The following SGCZ variants were observed in gnomAD, a reference collection of about 807,000 sequenced individuals.
SGCZ encodes sarcoglycan zeta.
Under a neutral mutation model 41.3 loss-of-function variants are expected in SGCZ, and 40 were observed. The ratio of observed to expected loss-of-function variants is 0.97; its 90% CI spans 0.75 to 1.26. SGCZ has a LOEUF of 1.26. SGCZ is among the 50% of genes most tolerant of loss of function. The pLI is 0.00. For missense variants in SGCZ, 552 were observed against 369.8 expected (o/e 1.49, Z -4.04); for synonymous variants, 206 against 137.5 (o/e 1.50, Z -3.49).
chr8:14,258,213 T>C (rs1290517069), intron 3 of SGCZ, among the ~76,000 whole-genome samples: 1 of 147,582 alleles, frequency 6.8e-6, no homozygotes, highest in Non-Finnish European at 1.5e-5. Context: ...AAATTCTGTG[T>C]TTCCCCCATG....
chr8:15,129,853 C>T (rs1055929401), intron 1 of SGCZ, among the ~76,000 whole-genome samples: 2 of 152,050 alleles, frequency 1.3e-5, no homozygotes, highest in Non-Finnish European at 2.9e-5. Flanking sequence ...TTCTGCTCCA[C>T]GTCCTCTGTG....
At chr8:14,748,506 G>A (rs1376802009) in intron 1 of SGCZ, among the ~76,000 whole-genome samples, 3 of 152,104 alleles carry the variant, frequency 2.0e-5, no homozygotes, top group African/African-American at 7.2e-5. Context: ...GACACCATAA[G>A]GACTCCCTTA....
chr8:14,495,270 T>G (rs1285971551), intron 2 of SGCZ, among the ~76,000 whole-genome samples: 2 of 152,190 alleles, frequency 1.3e-5, no homozygotes, highest in African/African-American at 4.8e-5. Flanking sequence ...CAGTTCACAA[T>G]GAGAGAAGTA....
At chr8:14,243,491 A>G (rs1416049501) in intron 3 of SGCZ, among the ~76,000 whole-genome samples, 2 of 152,216 alleles carry the variant, frequency 1.3e-5, no homozygotes, top group African/African-American at 4.8e-5. Context: ...TTGAATGAAA[A>G]GAAAACAAAA....
In SGCZ at chr8:15,198,395, C is replaced by G. The variant is rs1030060379; in HGVS notation, c.39+39190G>C. On this transcript the variant is annotated intron_variant, in intron 1 of 7. Coordinates refer to ENST00000382080, the MANE Select transcript of SGCZ (RefSeq NM_139167.4). ...TAATAAATATGCATATTAAATTTCA[C>G]AGGGCCTTTAGGGTATCTTTATTCT... Among the ~76,000 whole-genome samples the G allele has an allele frequency of 4.6e-5, 7 of 152,068 alleles. No individual in the cohort carries two copies. In the South Asian group the frequency reaches 8.3e-4, roughly 18 times the overall value.
intron 1 of SGCZ, among the ~76,000 whole-genome samples, chr8:15,228,003 C>T (rs1801830890): frequency 6.6e-6 from 1 of 152,030 alleles, no homozygotes; most frequent in Admixed American, 6.5e-5. Flanking sequence ...CGTATCTTTC[C>T]AGAAGTTTCT....
At chr8:14,686,695 G>A (rs1477062758) in intron 1 of SGCZ, among the ~76,000 whole-genome samples, 2 of 151,992 alleles carry the variant, frequency 1.3e-5, no homozygotes, top group Admixed American at 6.6e-5. Flanking sequence ...GTGGACACAA[G>A]GATCTAGACT....
At chr8:15,178,425 C>T (rs1402027273) in intron 1 of SGCZ, among the ~76,000 whole-genome samples, 1 of 152,094 alleles carries the variant, frequency 6.6e-6, no homozygotes, top group African/African-American at 2.4e-5. Flanking sequence ...GCGAATGGGA[C>T]TCATGTCTAT....
At chr8:14,115,504 T>C (rs766909926) in intron 5 of SGCZ, among the ~76,000 whole-genome samples, 3 of 151,990 alleles carry the variant, frequency 2.0e-5, no homozygotes, top group Non-Finnish European at 4.4e-5. Context: ...AGGTAAATTA[T>C]CTTTTTACCA....
intron 1 of SGCZ, among the ~76,000 whole-genome samples, chr8:14,988,039 C>A (rs573196606): frequency 6.6e-6 from 1 of 152,036 alleles, no homozygotes; most frequent in African/African-American, 2.4e-5. Flanking sequence ...AGCCTACCAT[C>A]CTCATGTTTA....
chr8:14,139,156 A>G (rs1013628272), intron 5 of SGCZ, among the ~76,000 whole-genome samples: 1 of 150,536 alleles, frequency 6.6e-6, no homozygotes, highest in Non-Finnish European at 1.5e-5. Flanking sequence ...GAAAAAAAAG[A>G]CATAACATAT....
intron 1 of SGCZ, among the ~76,000 whole-genome samples, chr8:14,921,623 A>G (rs1002568968): frequency 2.6e-5 from 4 of 152,110 alleles, no homozygotes; most frequent in African/African-American, 7.2e-5. Context: ...GAATGCTCAA[A>G]GTATAAATAG....
intron 1 of SGCZ, among the ~76,000 whole-genome samples, chr8:14,669,575 T>G (rs1278739721): frequency 6.6e-6 from 1 of 152,006 alleles, no homozygotes; most frequent in East Asian, 1.9e-4. Flanking sequence ...CATGCAGTAT[T>G]TGTCTTCTTG....
chr8:14,832,092 A>G (rs142905840), intron 1 of SGCZ, among the ~76,000 whole-genome samples: 11 of 152,344 alleles, frequency 7.2e-5, no homozygotes, highest in African/African-American at 2.6e-4. Flanking sequence ...AATATCAACT[A>G]TGTTGAAATA....
intron 3 of SGCZ, among the ~76,000 whole-genome samples, chr8:14,288,224 CTTAAA>C (rs533764049): frequency 5.9e-5 from 9 of 152,156 alleles, no homozygotes; most frequent in South Asian, 2.1e-4. Context: ...TTATTAATCT[CTTAAA>C]TTAATTTAGC....
intron 1 of SGCZ, among the ~76,000 whole-genome samples, chr8:15,074,873 C>T (rs1805473520): frequency 6.6e-6 from 1 of 152,288 alleles, no homozygotes; most frequent in East Asian, 1.9e-4. Flanking sequence ...ACTCTACTGT[C>T]TGGGCCACCC....
At chr8:14,948,671 C>T (rs75147198) in intron 1 of SGCZ, among the ~76,000 whole-genome samples, 2,342 of 152,252 alleles carry the variant, frequency 0.015, 27 homozygotes, top group South Asian at 0.029. Context: ...TCCTATTTTG[C>T]AAACTCTGTG....
intron 1 of SGCZ, among the ~76,000 whole-genome samples, chr8:14,618,359 C>A (rs956556629): frequency 6.6e-6 from 1 of 152,048 alleles, no homozygotes. Context: ...GTAGAAAGAA[C>A]GGAATTAGAA....
intron 4 of SGCZ, among the ~76,000 whole-genome samples, chr8:14,234,598 G>T (rs1585260362): frequency 6.6e-6 from 1 of 151,942 alleles, no homozygotes; most frequent in East Asian, 1.9e-4. Context: ...CAGTTTGTGT[G>T]CTAATTTTTT....
Sources: gnomAD v4.1 joint callset for allele counts (sites outside exome capture counted in the v4.1 genomes callset) on GRCh38, gnomAD v4.1.1 for gene constraint, MANE v1.5 for transcripts, NCBI Gene and HGNC (gene_info 2026-07-23, HGNC 2026-07-21) for gene names.